TBC1D1: variants seen among roughly 807,000 people sequenced by gnomAD.
TBC1D1 encodes TBC1 domain family member 1.
TBC1D1 carries 89 observed loss-of-function variants against 125.6 expected under a neutral mutation model. That is an observed-to-expected ratio of 0.71 (90% confidence interval 0.60 to 0.85). The LOEUF (loss-of-function observed/expected upper bound fraction) is 0.85, where lower values mean the gene tolerates loss of function less well. Among genes scored for constraint, TBC1D1 ranks in the 40% least tolerant of loss-of-function variants. The pLI is 0.00. For synonymous variants in TBC1D1, 565 were observed against 564.1 expected (o/e 1.00, Z -0.02); for missense variants, 1,377 against 1,469.2 (o/e 0.94, Z 1.03).
At chr4:38,000,743 A>C (rs1738888657) in intron 2 of TBC1D1, among the ~76,000 whole-genome samples, 1 of 152,138 alleles carries the variant, frequency 6.6e-6, no homozygotes, top group Admixed American at 6.6e-5. Flanking sequence ...TTCTGACACT[A>C]ACAACCTGAA....
rs58659939 is a variant in TBC1D1 at position 38,052,167 on chromosome 4, C to CTGTGTGTGTGTGTG, written c.1911-2017_1911-2004dup. The CTGTGTGTGTGTGTG allele has an allele frequency of 9.4e-3, 6,950 of 735,682 alleles. 46 individuals are homozygous for CTGTGTGTGTGTGTG. The highest frequency in any genetic ancestry group is 0.024 in the African/African-American group (1,289 of 54,444). 45.6% of individuals were successfully genotyped at this position (735,682 alleles called of 1,614,324 possible). ...AATGTCCATGCAGGAAGCAGAGCCA[C>CTGTGTGTGTGTGTG]TGTGTGTGTGTGTGTGTGTGTGTGT... On this transcript the variant is annotated intron_variant, in intron 11 of 19. Coordinates refer to ENST00000261439, the MANE Select transcript of TBC1D1 (RefSeq NM_015173.4).
intron 18 of TBC1D1, among the ~76,000 whole-genome samples, chr4:38,131,201 C>G (rs939190223): frequency 2.0e-5 from 3 of 152,120 alleles, no homozygotes; most frequent in Non-Finnish European, 4.4e-5. Flanking sequence ...TGCTGAGAGC[C>G]ATTAACTTAA....
At chr4:37,947,088 G>A (rs1226305953) in intron 2 of TBC1D1, among the ~76,000 whole-genome samples, 1 of 152,146 alleles carries the variant, frequency 6.6e-6, no homozygotes, top group East Asian at 1.9e-4. Context: ...AAACAACGCA[G>A]ACATCTCCCT....
intron 2 of TBC1D1, among the ~76,000 whole-genome samples, chr4:37,997,427 G>A (rs1301401025): frequency 4.6e-5 from 7 of 152,212 alleles, no homozygotes; most frequent in East Asian, 1.9e-4. Context: ...ACTGTATGCC[G>A]TTTCACTTGT....
chr4:37,975,054 G>A (rs113171070), intron 2 of TBC1D1, among the ~76,000 whole-genome samples: 5,965 of 152,286 alleles, frequency 0.039, 116 homozygotes, highest in Non-Finnish European at 0.046. Flanking sequence ...AGCTGGGCCC[G>A]TGGTACCACT....
chr4:38,106,270 T>G (rs2152562785), intron 15 of TBC1D1, among the ~76,000 whole-genome samples: 1 of 151,812 alleles, frequency 6.6e-6, no homozygotes, highest in Middle Eastern at 3.4e-3. Flanking sequence ...CTCTAAGAAA[T>G]GAAGAAACTG....
intron 18 of TBC1D1, among the ~76,000 whole-genome samples, chr4:38,128,257 C>T (rs1427521177): frequency 6.6e-6 from 1 of 152,080 alleles, no homozygotes; most frequent in Non-Finnish European, 1.5e-5. Context: ...CCGCATCTCT[C>T]CCCTCTTTCC....
intron 17 of TBC1D1, among the ~76,000 whole-genome samples, chr4:38,121,567 C>T (rs560022175): frequency 8.5e-4 from 130 of 152,276 alleles, no homozygotes; most frequent in African/African-American, 3.0e-3. Context: ...ACTGAAAGGA[C>T]GTGGGCTACA....
intron 1 of TBC1D1, among the ~76,000 whole-genome samples, chr4:37,900,665 C>T (rs997138042): frequency 4.6e-5 from 7 of 152,014 alleles, no homozygotes; most frequent in African/African-American, 1.7e-4. Flanking sequence ...ATCCAGGGAG[C>T]AAGTGAGTAA....
intron 2 of TBC1D1, among the ~76,000 whole-genome samples, chr4:37,955,404 C>A (rs1288557348): frequency 6.6e-6 from 1 of 152,174 alleles, no homozygotes; most frequent in Non-Finnish European, 1.5e-5. Context: ...GATGCTCAAA[C>A]CCCCGATATA....
chr4:38,028,008 T>C, intron 7 of TBC1D1, 129 bp downstream of exon 7: 1 of 574,206 alleles, frequency 1.7e-6, no homozygotes, highest in Non-Finnish European at 3.0e-6. Context: ...TTCGTCTTGG[T>C]TTCAGGGGTG....
intron 2 of TBC1D1, among the ~76,000 whole-genome samples, chr4:37,922,798 C>T (rs1375320572): frequency 2.6e-5 from 4 of 152,032 alleles, no homozygotes; most frequent in African/African-American, 9.7e-5. Flanking sequence ...GCCCTGGCCT[C>T]AATGATTGGT....
chr4:38,089,864 G>C, intron 12 of TBC1D1, 68 bp from the exon 15 acceptor site: 1 of 1,435,368 alleles, frequency 7.0e-7, no homozygotes, highest in Non-Finnish European at 9.3e-7. Flanking sequence ...TTGCTGATTT[G>C]ACACTGTGTT....
intron 2 of TBC1D1, among the ~76,000 whole-genome samples, chr4:37,968,061 G>A (rs1367717812): frequency 6.6e-6 from 1 of 152,204 alleles, no homozygotes; most frequent in Non-Finnish European, 1.5e-5. Flanking sequence ...ATTGCTGTTC[G>A]TATTGAACAA....
intron 2 of TBC1D1, among the ~76,000 whole-genome samples, chr4:37,999,786 T>G (rs1738628376): frequency 6.6e-6 from 1 of 152,216 alleles, no homozygotes; most frequent in Admixed American, 6.5e-5. Context: ...TCAAAGGTAT[T>G]TATTGGGTAT....
At chr4:38,063,830 T>C (rs575130783) in intron 12 of TBC1D1, among the ~76,000 whole-genome samples, 2 of 152,296 alleles carry the variant, frequency 1.3e-5, no homozygotes, top group Admixed American at 6.5e-5. Context: ...GGTTTCACCA[T>C]GTTGGCCAGA....
chr4:38,001,542 C>G (rs1287361084), intron 2 of TBC1D1, among the ~76,000 whole-genome samples: 3 of 152,030 alleles, frequency 2.0e-5, no homozygotes, highest in African/African-American at 7.2e-5. Context: ...CAAAGTTGGT[C>G]CCTCTGGCAA....
intron 2 of TBC1D1, among the ~76,000 whole-genome samples, chr4:37,976,943 A>C (rs1030904917): frequency 1.3e-5 from 2 of 152,230 alleles, no homozygotes; most frequent in African/African-American, 4.8e-5. Context: ...TGTTACTAGC[A>C]ATCTAAAGCG....
chr4:37,955,179 T>G (rs1728686721), intron 2 of TBC1D1, among the ~76,000 whole-genome samples: 1 of 152,112 alleles, frequency 6.6e-6, no homozygotes, highest in Admixed American at 6.5e-5. Flanking sequence ...TCTAATAAAT[T>G]TAAGAAACTA....
Sources: allele counts gnomAD v4.1 joint callset (sites outside exome capture counted in the v4.1 genomes callset), GRCh38; gene constraint gnomAD v4.1.1; transcripts MANE v1.5; gene names NCBI Gene and HGNC (gene_info 2026-07-23, HGNC 2026-07-21).